The following SAMD3 variants were observed in gnomAD, a reference collection of about 807,000 sequenced individuals.
SAMD3 encodes sterile alpha motif domain containing 3.
A neutral mutation model predicts 58.5 loss-of-function variants in SAMD3; 63 were observed. The ratio of observed to expected loss-of-function variants is 1.08; its 90% CI spans 0.88 to 1.33. The LOEUF (loss-of-function observed/expected upper bound fraction) is 1.33, where lower values mean the gene tolerates loss of function less well. Among genes scored for constraint, SAMD3 ranks in the 40% most tolerant of loss-of-function variants. The probability of loss-of-function intolerance (pLI) is 0.00; values close to 1 mark genes in which losing one functional copy is unlikely to be tolerated. For missense variants in SAMD3, 604 were observed against 608.4 expected (o/e 0.99, Z 0.08); for synonymous variants, 220 against 210.3 (o/e 1.05, Z -0.40).
At chr6:130,173,161 G>C (rs533749124) in intron 8 of SAMD3, among the ~76,000 whole-genome samples, 1 of 152,254 alleles carries the variant, frequency 6.6e-6, no homozygotes, top group Admixed American at 6.5e-5. Context: ...TAGCTCAGAG[G>C]AGTTTGTTAT....
In SAMD3 at chr6:130,286,734, TAG is replaced by T. The variant is rs1172595694; in HGVS notation, c.-188+26242_-188+26243del. 2.0e-5 allele frequency among the ~76,000 whole-genome samples: 3 copies of T among 152,176 alleles called. No individual in the cohort carries two copies. The East Asian group carries it at 5.8e-4, about 29-fold the overall frequency. Reference sequence around the variant, plus strand: ...CATTCTTTATTTATTTGTTTTGAGATAGAGTCTTGCTCTGTCGCCCAGGCTGG... The same window carrying T: ...CATTCTTTATTTATTTGTTTTGAGATAGTCTTGCTCTGTCGCCCAGGCTGG... On this transcript the variant is annotated intron_variant, in intron 2 of 13. Transcript: ENST00000368134.
intron 2 of SAMD3, among the ~76,000 whole-genome samples, chr6:130,228,586 C>T (rs892445037): frequency 2.0e-5 from 3 of 152,178 alleles, no homozygotes; most frequent in African/African-American, 7.2e-5. Context: ...TAAAGCTCTC[C>T]TCTGTGGTTC....
intron 1 of SAMD3, among the ~76,000 whole-genome samples, chr6:130,327,169 C>A (rs1272180687): frequency 6.6e-6 from 1 of 152,040 alleles, no homozygotes; most frequent in East Asian, 1.9e-4. Context: ...GAAGTTTATA[C>A]AGATGGACAG....
At chr6:130,224,165 T>C (rs6903714), upstream of SAMD3, among the ~76,000 whole-genome samples, 6,669 of 152,144 alleles carry the variant, frequency 0.044, 478 homozygotes, top group African/African-American at 0.15. Flanking sequence ...ATACTGCTGT[T>C]GATGTCCTGC....
At chr6:130,317,061 G>A (rs1341365767) in intron 1 of SAMD3, among the ~76,000 whole-genome samples, 1 of 152,132 alleles carries the variant, frequency 6.6e-6, no homozygotes, top group Admixed American at 6.5e-5. Context: ...AATGCAGATG[G>A]ACCAGTGAGA....
intron 2 of SAMD3, chr6:130,286,050 A>G (rs775240870): frequency 3.3e-5 from 5 of 152,246 alleles, no homozygotes; most frequent in Non-Finnish European, 7.3e-5. Context: ...TAACAAATCA[A>G]TCAGGAAGGT....
At chr6:130,239,405 A>C (rs1201077772) in intron 2 of SAMD3, among the ~76,000 whole-genome samples, 1 of 152,202 alleles carries the variant, frequency 6.6e-6, no homozygotes, top group Non-Finnish European at 1.5e-5. Context: ...TTAGGAGACT[A>C]GATTGATGGA....
At chr6:130,214,578 G>T in intron 3 of SAMD3, 52 bp from the exon 4 acceptor site, 1 of 1,441,722 alleles carries the variant, frequency 6.9e-7, no homozygotes, top group Non-Finnish European at 9.2e-7. Flanking sequence ...GCAAAACACA[G>T]GCATTCTGAA....
At chr6:130,207,459 T>G (rs913593083) in intron 5 of SAMD3, among the ~76,000 whole-genome samples, 2 of 152,086 alleles carry the variant, frequency 1.3e-5, no homozygotes, top group Non-Finnish European at 2.9e-5. Flanking sequence ...CTAGGGTAGG[T>G]AGCACTGGGG....
chr6:130,256,472 C>T (rs908881900), intron 2 of SAMD3, among the ~76,000 whole-genome samples: 7 of 152,118 alleles, frequency 4.6e-5, no homozygotes, highest in African/African-American at 1.7e-4. Context: ...AAATTCATAA[C>T]CATTATCATT....
intron 1 of SAMD3, among the ~76,000 whole-genome samples, chr6:130,314,087 T>C (rs964180930): frequency 6.6e-6 from 1 of 152,204 alleles, no homozygotes; most frequent in African/African-American, 2.4e-5. Flanking sequence ...CAGCTGCTTA[T>C]CTGAAACTAG....
At chr6:130,240,855 G>T (rs1773330874) in intron 2 of SAMD3, among the ~76,000 whole-genome samples, 1 of 152,092 alleles carries the variant, frequency 6.6e-6, no homozygotes, top group African/African-American at 2.4e-5. Flanking sequence ...AATTGTGAGG[G>T]AAGAAATTTT....
intron 1 of SAMD3, among the ~76,000 whole-genome samples, chr6:130,343,811 A>G (rs1777350859): frequency 6.6e-6 from 1 of 152,150 alleles, no homozygotes; most frequent in Admixed American, 6.5e-5. Flanking sequence ...CTAAAAATAC[A>G]AAAATTAACC....
chr6:130,264,813 G>A (rs904286114), intron 2 of SAMD3, among the ~76,000 whole-genome samples: 1 of 152,090 alleles, frequency 6.6e-6, no homozygotes, highest in Non-Finnish European at 1.5e-5. Context: ...CTCAGTCCTG[G>A]GGCTACCTGA....
chr6:130,283,920 C>T (rs1212459392), intron 2 of SAMD3, among the ~76,000 whole-genome samples: 1 of 152,206 alleles, frequency 6.6e-6, no homozygotes. Context: ...TGGCTCACCA[C>T]AACCTCTGCC....
intron 1 of SAMD3, among the ~76,000 whole-genome samples, chr6:130,323,897 T>TCC (rs1562522778): frequency 2.6e-5 from 4 of 151,730 alleles, no homozygotes; most frequent in Non-Finnish European, 5.9e-5. Context: ...TTCATTAGTG[T>TCC]CTTTTAAGTG....
chr6:130,298,370 A>T (rs764600130), intron 2 of SAMD3, among the ~76,000 whole-genome samples: 11 of 152,116 alleles, frequency 7.2e-5, no homozygotes, highest in Non-Finnish European at 1.5e-4. Context: ...TCTTAAAAAA[A>T]TACTCAGAAG....
rs139609257 is a variant in SAMD3 at position 130,189,881 on chromosome 6, G to A, written c.384-5258C>T. ...CACTTAGAACAAGAGGAAGACACTG[G>A]GCCTTTGATGAGGTTCCCTTTTCAT... On this transcript the variant is annotated intron_variant, in intron 5 of 11. Transcript: ENST00000439090. Among the ~76,000 whole-genome samples the A allele has an allele frequency of 4.3e-4, 66 of 152,312 alleles. 1 individual carries two copies. Among genetic ancestry groups the A allele is most frequent in the African/African-American group, 1.4e-3 (59 of 41,566 alleles).
At position 130,146,025 on chromosome 6, in the gene SAMD3, C is replaced by T. The variant is rs1788594750; in HGVS notation, c.1180G>A (p.Glu394Lys). The T allele has an allele frequency of 1.3e-6, 2 of 1,543,788 alleles. No individual in the cohort carries two copies. Among genetic ancestry groups the T allele is most frequent in the African/African-American group, 2.8e-5 (2 of 71,958 alleles). ...GTTTACTAACATTTCAACATGTCTT[C>T]ATCTGTGTAATGTTTCATTTTTTCT... ...LQEKMKHYTD[E>K]DMLKYMKMTA... is the part of the protein sequence containing the mutation. The change falls in exon 10 of 12, where the codon GAA becomes AAA. Residue 394 changes from glutamate to lysine, a missense_variant. Coordinates refer to ENST00000439090, the MANE Select transcript of SAMD3 (RefSeq NM_001017373.4).
Sources: gnomAD v4.1 joint callset for allele counts (sites outside exome capture counted in the v4.1 genomes callset) on GRCh38, gnomAD v4.1.1 for gene constraint, MANE v1.5 for transcripts, NCBI Gene and HGNC (gene_info 2026-07-23, HGNC 2026-07-21) for gene names.